The following RMST variants were observed in gnomAD, a reference collection of about 807,000 sequenced individuals.
The protein encoded by RMST is long intergenic non-protein coding RNA 54.
At chr12:97,471,530 A>G (rs996230392) in intron 5 of RMST, among the ~76,000 whole-genome samples, 1 of 152,144 alleles carries the variant, frequency 6.6e-6, no homozygotes, top group Non-Finnish European at 1.5e-5. Context: ...TGAGAGTTCC[A>G]GAAATGAACT....
At chr12:97,464,060 A>G (rs1031292530) in intron 4 of RMST, among the ~76,000 whole-genome samples, 3 of 152,320 alleles carry the variant, frequency 2.0e-5, no homozygotes, top group Non-Finnish European at 2.9e-5. Flanking sequence ...ATGTGTTTTC[A>G]TTTCAAGTAA....
Position 97,475,525 on chromosome 12 carries a change from T to C in RMST, n.644+9798T>C, listed in dbSNP as rs186771233. Among the ~76,000 whole-genome samples the C allele has an allele frequency of 4.7e-4, 72 of 152,170 alleles. 1 individual carries two copies. Among genetic ancestry groups the C allele is most frequent in the Non-Finnish European group, 5.9e-5 (4 of 67,988 alleles). ...CTTAGTATGTTTGAAACACAGTTTC[T>C]TCCTCTGTAAAATAAGGATTATAAT... On this transcript the variant is annotated intron_variant and non_coding_transcript_variant, in intron 5 of 13. Transcript: ENST00000640149.
chr12:97,538,583 C>T (rs1882267229), intron 11 of RMST, among the ~76,000 whole-genome samples: 1 of 151,270 alleles, frequency 6.6e-6, no homozygotes, highest in Admixed American at 6.6e-5. Context: ...TTCCCAAAGC[C>T]TGTGAAAATA....
chr12:97,523,810 G>T (rs150698421), intron 10 of RMST, among the ~76,000 whole-genome samples: 1,594 of 152,164 alleles, frequency 0.01, 28 homozygotes, highest in African/African-American at 0.036. Flanking sequence ...GGGCGCAGTG[G>T]CTCATGCCTG....
chr12:97,525,368 T>C (rs1453026827), intron 10 of RMST, among the ~76,000 whole-genome samples: 2 of 152,198 alleles, frequency 1.3e-5, no homozygotes, highest in African/African-American at 2.4e-5. Context: ...TAGGTAGGCA[T>C]TAGCGGGTGG....
At chr12:97,463,874 T>C (rs1981728) in intron 4 of RMST, among the ~76,000 whole-genome samples, 27,851 of 152,080 alleles carry the variant, frequency 0.18, 3,350 homozygotes, top group East Asian at 0.5. Context: ...GGAAATTAGT[T>C]GGTTTTTTTT....
chr12:97,474,466 G>A (rs1235847479), intron 5 of RMST, among the ~76,000 whole-genome samples: 1 of 151,956 alleles, frequency 6.6e-6, no homozygotes, highest in East Asian at 1.9e-4. Flanking sequence ...AAAAGATGTG[G>A]TTGAGAAATT....
At chr12:97,499,003 T>C (rs1877770709) in intron 10 of RMST, among the ~76,000 whole-genome samples, 1 of 152,146 alleles carries the variant, frequency 6.6e-6, no homozygotes, top group Non-Finnish European at 1.5e-5. Context: ...AGTGGGCCAA[T>C]GGGTAAGGTT....
At chr12:97,563,160 T>A (rs1884254450) in intron 13 of RMST, 1 of 152,338 alleles carries the variant, frequency 6.6e-6, no homozygotes. Flanking sequence ...CTGAGTTATT[T>A]AGATCACTGA....
intron 13 of RMST, among the ~76,000 whole-genome samples, chr12:97,562,572 A>G (rs777707338): frequency 4.6e-5 from 7 of 152,138 alleles, no homozygotes; most frequent in Non-Finnish European, 8.8e-5. Flanking sequence ...ATTTTAAAAC[A>G]TATCATTTAA....
At chr12:97,511,997 T>A (rs1879361450) in intron 10 of RMST, among the ~76,000 whole-genome samples, 2 of 152,226 alleles carry the variant, frequency 1.3e-5, no homozygotes, top group Admixed American at 6.5e-5. Flanking sequence ...CCGCGGACCC[T>A]CGCAGTGAGT....
At chr12:97,528,797 A>G (rs938759162) in intron 10 of RMST, among the ~76,000 whole-genome samples, 2 of 152,190 alleles carry the variant, frequency 1.3e-5, no homozygotes, top group East Asian at 3.9e-4. Context: ...CTTCATCGAC[A>G]TGTATTTCTT....
intron 10 of RMST, among the ~76,000 whole-genome samples, chr12:97,507,056 T>C (rs1592701097): frequency 6.6e-6 from 1 of 152,164 alleles, no homozygotes; most frequent in East Asian, 1.9e-4. Flanking sequence ...TTCAATATGA[T>C]GGAGCTCTGA....
intron 11 of RMST, among the ~76,000 whole-genome samples, chr12:97,557,553 G>A (rs183431864): frequency 2.6e-5 from 4 of 152,218 alleles, no homozygotes; most frequent in East Asian, 3.9e-4. Flanking sequence ...ATTATTACAC[G>A]TTTAGTGCCT....
chr12:97,529,802 A>G (rs1021834686), intron 10 of RMST, among the ~76,000 whole-genome samples: 1 of 152,124 alleles, frequency 6.6e-6, no homozygotes, highest in Non-Finnish European at 1.5e-5. Context: ...AGTGTTGTGT[A>G]TATCAATCGA....
intron 10 of RMST, among the ~76,000 whole-genome samples, chr12:97,515,740 G>C (rs898868119): frequency 6.6e-6 from 1 of 152,082 alleles, no homozygotes; most frequent in Admixed American, 6.5e-5. Flanking sequence ...GTTATAGGGT[G>C]ATAAGTCCCA....
At chr12:97,506,276 A>T (rs1318133485) in intron 10 of RMST, among the ~76,000 whole-genome samples, 3 of 152,196 alleles carry the variant, frequency 2.0e-5, no homozygotes, top group Admixed American at 1.3e-4. Flanking sequence ...TTTATGACTG[A>T]TTTATCTAAT....
chr12:97,542,947 C>G (rs146908148), intron 11 of RMST, among the ~76,000 whole-genome samples: 1 of 151,930 alleles, frequency 6.6e-6, no homozygotes, highest in Non-Finnish European at 1.5e-5. Flanking sequence ...ACAGTGTTCA[C>G]TTGAGGTCTG....
At chr12:97,532,291 A>G (rs1881701168) in intron 11 of RMST, among the ~76,000 whole-genome samples, 1 of 151,932 alleles carries the variant, frequency 6.6e-6, no homozygotes. Context: ...CTGGCACATA[A>G]TAGGCATTCA....
Sources: allele counts gnomAD v4.1 joint callset (sites outside exome capture counted in the v4.1 genomes callset), GRCh38; gene constraint gnomAD v4.1.1; transcripts MANE v1.5; gene names NCBI Gene and HGNC (gene_info 2026-07-23, HGNC 2026-07-21).